Variants in RSL24D1 observed in about 807,000 individuals in gnomAD.
The protein encoded by RSL24D1 is probable ribosome biogenesis protein RLP24.
In RSL24D1, 6 loss-of-function variants were observed where a neutral mutation model predicts 26.2. The observed-to-expected ratio is 0.23, with a 90% CI of 0.13 to 0.45. The LOEUF is 0.45. Ranked by LOEUF, RSL24D1 falls within the 20% of genes least tolerant of loss-of-function variation. The pLI, the probability that RSL24D1 is intolerant of heterozygous loss-of-function variation, is 0.99. For missense variants in RSL24D1, 176 were observed against 202.6 expected, an observed-to-expected ratio of 0.87 and a Z score of 0.80; for synonymous variants, 61 against 59.1, an observed-to-expected ratio of 1.03 and a Z score of -0.15.
Position 55,183,299 on chromosome 15 carries a change from G to A in RSL24D1, c.418+16C>T, listed in dbSNP as rs759484116. 1 of 1,599,674 alleles carries A rather than the reference G, an allele frequency of 6.3e-7. No individual in the cohort carries two copies. The highest frequency in any genetic ancestry group is 8.5e-7 in the Non-Finnish European group (1 of 1,171,018). On this transcript the variant is annotated intron_variant, in intron 5 of 5. Coordinates refer to ENST00000260443, the MANE Select transcript of RSL24D1 (RefSeq NM_016304.3). ...ACACAGACCACAAAAATCTAGATGTGCAATGTAGTACTCACCTGCAAGAGG... is the reference window on the plus strand; with the variant it reads ...ACACAGACCACAAAAATCTAGATGTACAATGTAGTACTCACCTGCAAGAGG...
Position 55,181,791 on chromosome 15 carries a change from A to G in RSL24D1, c.*361T>C, listed in dbSNP as rs557656206. The G allele has an allele frequency of 5.3e-5, 9 of 168,820 alleles. No homozygotes were observed. The highest frequency in any genetic ancestry group is 1.7e-4 in the African/African-American group (7 of 42,200). 10.5% of individuals were successfully genotyped at this position (168,820 alleles called of 1,614,324 possible). A position where few individuals can be genotyped will look rare whatever the true frequency, so the allele number is the denominator to read the frequency against. On this transcript the variant is annotated 3_prime_UTR_variant, in exon 6 of 6. Coordinates refer to ENST00000260443, the MANE Select transcript of RSL24D1 (RefSeq NM_016304.3). Reference sequence around the variant, plus strand: ...ATAACATTAACAAAGGGAATATTTTACTGCAAAGAATATTTTATTTTATAC... The same window carrying G: ...ATAACATTAACAAAGGGAATATTTTGCTGCAAAGAATATTTTATTTTATAC...
chr15:55,183,993 A>G (rs541797281), intron 4 of RSL24D1, among the ~76,000 whole-genome samples: 2 of 152,356 alleles, frequency 1.3e-5, no homozygotes, highest in Admixed American at 6.5e-5. Context: ...TCTCTGTTAT[A>G]TAATTTTTAA....
intron 1 of RSL24D1, chr15:55,195,305 G>C (rs1329309143): frequency 6.6e-6 from 1 of 152,198 alleles, no homozygotes; most frequent in East Asian, 1.9e-4. Flanking sequence ...TGTACCTACT[G>C]TTAGGTACAT....
chr15:55,192,202 T>G (rs1226481166), intron 2 of RSL24D1, among the ~76,000 whole-genome samples: 1 of 152,212 alleles, frequency 6.6e-6, no homozygotes, highest in Non-Finnish European at 1.5e-5. Flanking sequence ...TTGCAGGGAC[T>G]GAACGTGGAC....
rs191096588 is a variant in RSL24D1, at chr15:55,186,891, G to A, written c.269-1466C>T. Among the ~76,000 whole-genome samples the A allele has an allele frequency of 3.4e-3, 511 of 152,064 alleles. 6 individuals are homozygous for A. The highest frequency in any genetic ancestry group is 0.012 in the African/African-American group (498 of 41,476). ...ACAGTTCAGAAAAATATACACTAAA[G>A]GGAGAAAGGGAGAAAGAAGAGAGAC... On this transcript the variant is annotated intron_variant, in intron 3 of 5. Coordinates refer to ENST00000260443, the MANE Select transcript of RSL24D1 (RefSeq NM_016304.3).
chr15:55,183,775 C>T (rs924043957), intron 4 of RSL24D1, among the ~76,000 whole-genome samples: 19 of 152,176 alleles, frequency 1.2e-4, no homozygotes, highest in Admixed American at 6.5e-5. Context: ...TTTTTTAGTT[C>T]GTAATTAGCT....
intron 1 of RSL24D1, among the ~76,000 whole-genome samples, chr15:55,195,805 G>A (rs960900698): frequency 1.3e-5 from 2 of 152,136 alleles, no homozygotes; most frequent in East Asian, 3.8e-4. Flanking sequence ...TCTAATTAAT[G>A]AGGTCAATAT....
Position 55,193,396 on chromosome 15 carries a change from G to A in RSL24D1, c.82-563C>T, listed in dbSNP as rs554908513. Among the ~76,000 whole-genome samples the A allele has an allele frequency of 6.0e-4, 92 of 152,264 alleles. 1 individual carries two copies. The highest frequency in any genetic ancestry group is 2.0e-3 in the African/African-American group (85 of 41,544). The stretch of plus-strand genomic sequence containing the variant: ...TTAATAGTGCTAACTTACAACTGAT[G>A]ATGCTTCAACATGTCCCTGAAATGT... On this transcript the variant is annotated intron_variant, in intron 1 of 5. Coordinates refer to ENST00000260443, the MANE Select transcript of RSL24D1 (RefSeq NM_016304.3).
chr15:55,191,180 G>A (rs1290331113), intron 2 of RSL24D1, 133 bp from the exon 3 acceptor site: 8 of 615,580 alleles, frequency 1.3e-5, no homozygotes, highest in Non-Finnish European at 1.9e-5. Flanking sequence ...GGGTATCTCA[G>A]AGAATATAGG....
chr15:55,193,360 G>C (rs1894320124), intron 1 of RSL24D1, among the ~76,000 whole-genome samples: 1 of 152,150 alleles, frequency 6.6e-6, no homozygotes, highest in Non-Finnish European at 1.5e-5. Context: ...CATCCTACAA[G>C]ATTTAATCCT....
In RSL24D1 at chr15:55,182,088, T is replaced by C. The variant is rs2140587698; in HGVS notation, c.*64A>G. On this transcript the variant is annotated 3_prime_UTR_variant, in exon 6 of 6. Transcript: ENST00000260443. Reference sequence around the variant, plus strand: ...ACCTTATGTAAAAAATAAAATAATTTAGCAGTTCCAAGTATCCAAAGGGCA... The same window carrying C: ...ACCTTATGTAAAAAATAAAATAATTCAGCAGTTCCAAGTATCCAAAGGGCA... The C allele has an allele frequency of 1.1e-6, 1 of 938,674 alleles. No individual in the cohort carries two copies. Among genetic ancestry groups the C allele is most frequent in the Non-Finnish European group, 1.7e-6 (1 of 589,332 alleles). The allele number at this position is 938,674 out of a possible 1,614,324, so 58.1% of individuals were successfully genotyped here.
chr15:55,188,555 G>A (rs912957635), intron 3 of RSL24D1, among the ~76,000 whole-genome samples: 1 of 152,170 alleles, frequency 6.6e-6, no homozygotes, highest in Non-Finnish European at 1.5e-5. Context: ...TGTGTGACGT[G>A]TTCATCTTTG....
chr15:55,196,735 C>T, intron 1 of RSL24D1, 75 bp downstream of exon 1: 2 of 1,415,046 alleles, frequency 1.4e-6, no homozygotes, highest in Non-Finnish European at 2.0e-6. Context: ...GACGCAGAAG[C>T]ACCCAGCACC....
intron 4 of RSL24D1, among the ~76,000 whole-genome samples, chr15:55,185,101 A>T (rs1349675682): frequency 6.6e-6 from 1 of 152,178 alleles, no homozygotes; most frequent in African/African-American, 2.4e-5. Context: ...GTGTTTATTT[A>T]AGAGAATGTT....
At chr15:55,193,408 T>C (rs1006489331) in intron 1 of RSL24D1, among the ~76,000 whole-genome samples, 4 of 152,206 alleles carry the variant, frequency 2.6e-5, no homozygotes, top group African/African-American at 9.6e-5. Flanking sequence ...TGCTTCAACA[T>C]GTCCCTGAAA....
chr15:55,190,419 A>G (rs1013691668), intron 3 of RSL24D1, among the ~76,000 whole-genome samples: 1 of 152,076 alleles, frequency 6.6e-6, no homozygotes, highest in Non-Finnish European at 1.5e-5. Context: ...CAAAACAAAA[A>G]AAACAAGAAC....
In RSL24D1 at chr15:55,187,928, TTAAAA is replaced by T. The variant is rs143198198; in HGVS notation, c.269-2508_269-2504del. ...AAGTTCAACAAAAATATGTAAAAAG[TTAAAA>T]TAAAAAATAAAAAAAAATCTGACAG... On this transcript the variant is annotated intron_variant, in intron 3 of 5. Transcript: ENST00000260443. Among the ~76,000 whole-genome samples, 886 of 151,468 alleles carry T rather than the reference TTAAAA, an allele frequency of 5.8e-3. 5 individuals are homozygous for T. The highest frequency in any genetic ancestry group is 0.024 in the Middle Eastern group (7 of 294).
intron 3 of RSL24D1, 24 bp from the exon 4 acceptor site, chr15:55,185,449 CA>C: frequency 6.4e-7 from 1 of 1,559,540 alleles, no homozygotes; most frequent in East Asian, 2.3e-5. Context: ...CATGAGTTAG[CA>C]AATGTATGCA....
intron 4 of RSL24D1, 56 bp downstream of exon 4, chr15:55,185,306 T>G: frequency 7.3e-7 from 1 of 1,361,548 alleles, no homozygotes; most frequent in Non-Finnish European, 1.0e-6. Flanking sequence ...TACTAATGCC[T>G]CTAAATATCT....
Sources: gnomAD v4.1 joint callset for allele counts (sites outside exome capture counted in the v4.1 genomes callset) on GRCh38, gnomAD v4.1.1 for gene constraint, MANE v1.5 for transcripts, NCBI Gene and HGNC (gene_info 2026-07-23, HGNC 2026-07-21) for gene names.